Variants in SLC14A2 observed in about 807,000 individuals in gnomAD.
The protein encoded by SLC14A2 is solute carrier family 14 member 2.
SLC14A2 carries 91 observed loss-of-function variants against 104.6 expected under a neutral mutation model. The observed-to-expected ratio is 0.87, with a 90% confidence interval of 0.73 to 1.04. The LOEUF (loss-of-function observed/expected upper bound fraction) is 1.04. Ranked by LOEUF, SLC14A2 falls within the 50% of genes least tolerant of loss-of-function variation. SLC14A2 has a pLI of 0.00. For synonymous variants in SLC14A2, 476 were observed against 466.4 expected, an observed-to-expected ratio of 1.02 and a Z score of -0.27; for missense variants, 1,189 against 1,156.0, an observed-to-expected ratio of 1.03 and a Z score of -0.41.
At chr18:45,328,196 C>A (rs1599678262) in intron 1 of SLC14A2, among the ~76,000 whole-genome samples, 1 of 152,164 alleles carries the variant, frequency 6.6e-6, no homozygotes, top group Admixed American at 6.5e-5. Flanking sequence ...CTCTTTATTC[C>A]TGCCTCTCAT....
At chr18:45,244,720 G>C (rs964253701) in intron 1 of SLC14A2, among the ~76,000 whole-genome samples, 1 of 152,144 alleles carries the variant, frequency 6.6e-6, no homozygotes, top group Non-Finnish European at 1.5e-5. Flanking sequence ...CAGCAAGAAA[G>C]ATTATATGGC....
chr18:45,217,611 A>G (rs2084022555), intron 1 of SLC14A2, among the ~76,000 whole-genome samples: 2 of 152,134 alleles, frequency 1.3e-5, no homozygotes, highest in South Asian at 4.1e-4. Flanking sequence ...ACTCATGCAC[A>G]TTTAGCACAG....
At chr18:45,554,668 G>A (rs2044107370) in intron 2 of SLC14A2, among the ~76,000 whole-genome samples, 2 of 152,044 alleles carry the variant, frequency 1.3e-5, no homozygotes, top group South Asian at 4.1e-4. Context: ...GGTGTGGGGG[G>A]GAATAAGGAG....
intron 2 of SLC14A2, among the ~76,000 whole-genome samples, chr18:45,602,798 G>T (rs1323604440): frequency 6.6e-6 from 1 of 152,176 alleles, no homozygotes. Flanking sequence ...AACACTCCCC[G>T]CTGATGGATT....
intron 17 of SLC14A2, 115 bp downstream of exon 17, chr18:45,673,162 T>C (rs976843342): frequency 1.9e-6 from 2 of 1,031,780 alleles, no homozygotes; most frequent in African/African-American, 1.6e-5. Flanking sequence ...GAACTTTCCC[T>C]CCTTCTGTTG....
chr18:45,520,345 G>C lies in SLC14A2; in HGVS notation c.-35+37023G>C, dbSNP rs79357599. On this transcript the variant is annotated intron_variant, in intron 2 of 20. Coordinates refer to the SLC14A2 transcript ENST00000586448. Reference sequence around the variant, plus strand: ...TATGAGTGTGCTACATGTGACTGTTGGCAGATCACCTGATGGAGACTTAGG... The same window carrying C: ...TATGAGTGTGCTACATGTGACTGTTCGCAGATCACCTGATGGAGACTTAGG... Among the ~76,000 whole-genome samples, 1,203 of 152,112 alleles carry C rather than the reference G, an allele frequency of 7.9e-3. 13 individuals are homozygous for C. The highest frequency in any genetic ancestry group is 0.028 in the African/African-American group (1,153 of 41,486).
intron 2 of SLC14A2, among the ~76,000 whole-genome samples, chr18:45,575,809 C>T (rs2044410985): frequency 6.7e-6 from 1 of 149,372 alleles, no homozygotes; most frequent in African/African-American, 2.5e-5. Context: ...TTTTTCTTCC[C>T]ACTTTTTTTT....
At chr18:45,293,269 T>C (rs977387107) in intron 1 of SLC14A2, among the ~76,000 whole-genome samples, 12 of 152,160 alleles carry the variant, frequency 7.9e-5, no homozygotes, top group Non-Finnish European at 1.3e-4. Context: ...TGTTATTTCA[T>C]TCATTCATTC....
intron 11 of SLC14A2, among the ~76,000 whole-genome samples, chr18:45,664,946 T>A (rs2045991781): frequency 6.6e-6 from 1 of 152,038 alleles, no homozygotes; most frequent in Non-Finnish European, 1.5e-5. Context: ...GGGGAGAGCA[T>A]AGTAGAGAGC....
chr18:45,403,604 A>G (rs557096487), intron 1 of SLC14A2, among the ~76,000 whole-genome samples: 1 of 152,276 alleles, frequency 6.6e-6, no homozygotes, highest in African/African-American at 2.4e-5. Context: ...GAGCATGGCA[A>G]CAGGCAGGAC....
At chr18:45,670,971 T>G (rs573315015) in intron 16 of SLC14A2, among the ~76,000 whole-genome samples, 9 of 152,176 alleles carry the variant, frequency 5.9e-5, no homozygotes, top group Non-Finnish European at 1.0e-4. Context: ...CTGAGAACTA[T>G]TTGTGTTAGT....
At chr18:45,477,762 C>T (rs1258027541) in intron 1 of SLC14A2, among the ~76,000 whole-genome samples, 1 of 152,198 alleles carries the variant, frequency 6.6e-6, no homozygotes. Flanking sequence ...TCCAAACTTC[C>T]TGGTGGCGTT....
At chr18:45,635,287 G>C (rs965858655) in intron 5 of SLC14A2, among the ~76,000 whole-genome samples, 1 of 152,128 alleles carries the variant, frequency 6.6e-6, no homozygotes, top group African/African-American at 2.4e-5. Flanking sequence ...GGTACTAAAG[G>C]CTATCACCCA....
intron 2 of SLC14A2, among the ~76,000 whole-genome samples, chr18:45,585,137 T>C (rs569019552): frequency 8.0e-6 from 1 of 125,310 alleles, no homozygotes; most frequent in African/African-American, 2.8e-5. Flanking sequence ...TTTGACACCA[T>C]GTCCTCCTCC....
At chr18:45,310,181 A>T (rs1190916166) in intron 1 of SLC14A2, among the ~76,000 whole-genome samples, 2 of 152,194 alleles carry the variant, frequency 1.3e-5, no homozygotes, top group Non-Finnish European at 2.9e-5. Context: ...TGTACTTCTA[A>T]GTTCTTATTT....
intron 1 of SLC14A2, among the ~76,000 whole-genome samples, chr18:45,321,455 G>A (rs992729283): frequency 1.3e-5 from 2 of 152,136 alleles, no homozygotes; most frequent in African/African-American, 4.8e-5. Flanking sequence ...GTGGAAAGTG[G>A]ATGCATTTTA....
At chr18:45,514,957 A>C (rs939897289) in intron 2 of SLC14A2, among the ~76,000 whole-genome samples, 5 of 152,218 alleles carry the variant, frequency 3.3e-5, no homozygotes, top group Non-Finnish European at 7.3e-5. Flanking sequence ...ATAGAAATGC[A>C]AGTACCAAGT....
chr18:45,253,936 T>C (rs112049240), intron 1 of SLC14A2, among the ~76,000 whole-genome samples: 87 of 152,340 alleles, frequency 5.7e-4, no homozygotes, highest in African/African-American at 1.9e-3. Context: ...TTATATCTTA[T>C]TTGAATCCAA....
chr18:45,359,317 C>G (rs570441606), intron 1 of SLC14A2, among the ~76,000 whole-genome samples: 1 of 152,018 alleles, frequency 6.6e-6, no homozygotes, highest in Non-Finnish European at 1.5e-5. Context: ...GGAAGCAGGC[C>G]CCCCCGTCTA....
Sources: allele counts gnomAD v4.1 joint callset (sites outside exome capture counted in the v4.1 genomes callset), GRCh38; gene constraint gnomAD v4.1.1; transcripts MANE v1.5; gene names NCBI Gene and HGNC (gene_info 2026-07-23, HGNC 2026-07-21).